The following NRG3 variants were observed in gnomAD, a reference collection of about 807,000 sequenced individuals.
The protein encoded by NRG3 is pro-neuregulin-3, membrane-bound isoform.
In NRG3, 31 loss-of-function variants were observed where a neutral mutation model predicts 66.9. The ratio of observed to expected loss-of-function variants is 0.46; its 90% CI spans 0.35 to 0.63. The LOEUF is 0.63. Ranked by LOEUF, NRG3 falls within the 20% of genes least tolerant of loss-of-function variation. The pLI, the probability that NRG3 is intolerant of heterozygous loss-of-function variation, is 0.00. For missense variants in NRG3, 910 were observed against 878.9 expected, an observed-to-expected ratio of 1.04 and a Z score of -0.45; for synonymous variants, 393 against 359.4, an observed-to-expected ratio of 1.09 and a Z score of -1.06.
chr10:82,536,772 A>G (rs683668), intron 2 of NRG3, among the ~76,000 whole-genome samples: 66,940 of 151,930 alleles, frequency 0.44, 18,461 homozygotes, highest in African/African-American at 0.78. Flanking sequence ...TGGCTGATTA[A>G]TCAGAGGATG....
Position 82,006,367 on chromosome 10 carries a change from C to T in NRG3, c.823+130204C>T, listed in dbSNP as rs557507346. Among the ~76,000 whole-genome samples the T allele has an allele frequency of 3.9e-5, 6 of 151,982 alleles. 1 individual carries two copies. In the South Asian group the frequency reaches 1.2e-3, roughly 32 times the overall value. ...CATGTTGTATGATACTCCATTTTACCTGTGAGATTTGTAACTATCTTCTTC... is the reference window on the plus strand; with the variant it reads ...CATGTTGTATGATACTCCATTTTACTTGTGAGATTTGTAACTATCTTCTTC... On this transcript the variant is annotated intron_variant, in intron 1 of 8. Transcript: ENST00000372141.
intron 1 of NRG3, among the ~76,000 whole-genome samples, chr10:82,352,194 T>C (rs1292907029): frequency 6.6e-6 from 1 of 152,194 alleles, no homozygotes; most frequent in Non-Finnish European, 1.5e-5. Flanking sequence ...CCCACATACA[T>C]GCACAAACAC....
At chr10:82,423,067 C>T (rs2089190317) in intron 2 of NRG3, among the ~76,000 whole-genome samples, 1 of 151,840 alleles carries the variant, frequency 6.6e-6, no homozygotes. Context: ...AGTTTGTGCA[C>T]ATCAATAGAA....
chr10:82,979,249 A>G lies in NRG3; in HGVS notation c.1583+129A>G. The stretch of plus-strand genomic sequence containing the variant: ...TAACTGGCTATATATGCTTACTGCC[A>G]TCTTTGTTCTACAAAAGGTGAACCA... On this transcript the variant is annotated intron_variant, in intron 8 of 8. Transcript: ENST00000372141. 12 of 946,486 alleles carry G rather than the reference A, an allele frequency of 1.3e-5. No homozygotes were observed. The South Asian group carries it at 1.4e-4, about 11-fold the overall frequency. 58.6% of individuals were successfully genotyped at this position (946,486 alleles called of 1,614,324 possible). A position where few individuals can be genotyped will look rare whatever the true frequency, so the allele number is the denominator to read the frequency against.
At chr10:81,894,859 A>G (rs2132594940) in intron 1 of NRG3, among the ~76,000 whole-genome samples, 1 of 152,266 alleles carries the variant, frequency 6.6e-6, no homozygotes, top group African/African-American at 2.4e-5. Flanking sequence ...GCTGCCTCCA[A>G]CCACCACAAG....
chr10:82,176,929 T>C (rs1336521693), intron 1 of NRG3, among the ~76,000 whole-genome samples: 2 of 135,478 alleles, frequency 1.5e-5, no homozygotes, highest in Non-Finnish European at 3.1e-5. Context: ...ACTCGGAGGG[T>C]TTTTGGAGTC....
intron 1 of NRG3, among the ~76,000 whole-genome samples, chr10:82,149,809 T>C (rs1325810908): frequency 6.6e-6 from 1 of 152,068 alleles, no homozygotes. Context: ...ACTGTCTTGG[T>C]GCAGATATGA....
At chr10:82,831,499 A>G (rs1226913827) in intron 3 of NRG3, among the ~76,000 whole-genome samples, 2 of 152,156 alleles carry the variant, frequency 1.3e-5, no homozygotes, top group Non-Finnish European at 2.9e-5. Flanking sequence ...TTTATGTACC[A>G]AATTAAGAAA....
intron 1 of NRG3, among the ~76,000 whole-genome samples, chr10:82,320,830 C>G (rs753786014): frequency 6.6e-6 from 1 of 152,106 alleles, no homozygotes; most frequent in Non-Finnish European, 1.5e-5. Context: ...CCAAATGTTG[C>G]CTTTTCCAAG....
intron 1 of NRG3, among the ~76,000 whole-genome samples, chr10:82,271,954 T>C (rs1172119795): frequency 6.6e-6 from 1 of 152,110 alleles, no homozygotes; most frequent in East Asian, 1.9e-4. Context: ...GCCAAGGTTC[T>C]ATTCTAGATA....
intron 2 of NRG3, among the ~76,000 whole-genome samples, chr10:82,573,699 A>C (rs2045874419): frequency 6.6e-6 from 1 of 151,734 alleles, no homozygotes. Context: ...TGGAGTTCAA[A>C]GGCTAAAATG....
At chr10:82,148,550 T>C (rs1287075510) in intron 1 of NRG3, among the ~76,000 whole-genome samples, 1 of 152,070 alleles carries the variant, frequency 6.6e-6, no homozygotes, top group Non-Finnish European at 1.5e-5. Flanking sequence ...TTTCTTTGCA[T>C]TTAGGACAGT....
intron 1 of NRG3, among the ~76,000 whole-genome samples, chr10:82,354,725 G>T (rs536480089): frequency 6.6e-6 from 1 of 152,068 alleles, no homozygotes; most frequent in Admixed American, 6.6e-5. Context: ...CCTATTCCGT[G>T]CCTCTGTGTC....
intron 2 of NRG3, among the ~76,000 whole-genome samples, chr10:82,523,296 A>G (rs919794031): frequency 2.0e-5 from 3 of 152,062 alleles, no homozygotes; most frequent in African/African-American, 4.8e-5. Context: ...TTACTGTACT[A>G]TATGGTAACT....
chr10:82,530,547 T>C (rs1289406547), intron 2 of NRG3, among the ~76,000 whole-genome samples: 1 of 151,932 alleles, frequency 6.6e-6, no homozygotes, highest in Non-Finnish European at 1.5e-5. Context: ...CATATATAAC[T>C]TTTTTTGGGA....
intron 2 of NRG3, among the ~76,000 whole-genome samples, chr10:82,587,122 C>T (rs2046722118): frequency 6.6e-6 from 1 of 152,048 alleles, no homozygotes; most frequent in East Asian, 1.9e-4. Context: ...CTCATTGTCT[C>T]ACAAGTATAT....
chr10:82,681,504 G>A (rs2054110121), intron 2 of NRG3, among the ~76,000 whole-genome samples: 1 of 152,172 alleles, frequency 6.6e-6, no homozygotes. Flanking sequence ...TTTGCTGAAA[G>A]CTGGTGAAAT....
chr10:82,541,363 A>G (rs1354486107), intron 2 of NRG3, among the ~76,000 whole-genome samples: 8 of 152,134 alleles, frequency 5.3e-5, no homozygotes, highest in African/African-American at 1.9e-4. Context: ...TTGTGGAAGG[A>G]AAGGCCTTTA....
At chr10:82,535,323 G>A (rs1847707965) in intron 2 of NRG3, among the ~76,000 whole-genome samples, 1 of 151,794 alleles carries the variant, frequency 6.6e-6, no homozygotes, top group Admixed American at 6.6e-5. Flanking sequence ...AATCTGTGCT[G>A]GATGTAGATA....
Sources: gnomAD v4.1 joint callset for allele counts (sites outside exome capture counted in the v4.1 genomes callset) on GRCh38, gnomAD v4.1.1 for gene constraint, MANE v1.5 for transcripts, NCBI Gene and HGNC (gene_info 2026-07-23, HGNC 2026-07-21) for gene names.